The following VEGFD variants were observed in gnomAD, a reference collection of about 807,000 sequenced individuals.
VEGFD encodes vascular endothelial growth factor D.
VEGFD carries 26 observed loss-of-function variants against 28.0 expected under a neutral mutation model. That is an observed-to-expected ratio of 0.93 (90% CI 0.68 to 1.29). VEGFD has a LOEUF of 1.29. Ranked by LOEUF, VEGFD falls within the 50% of genes most tolerant of loss-of-function variation. The probability of loss-of-function intolerance (pLI) is 0.00; values close to 1 mark genes in which losing one functional copy is unlikely to be tolerated. For missense variants in VEGFD, 294 were observed against 273.4 expected (o/e 1.08, Z -0.53); for synonymous variants, 93 against 95.5 (o/e 0.97, Z 0.15).
chrX:15,347,420 G>A (rs1922583209), intron 5 of VEGFD, 61 bp from the exon 6 acceptor site: 2 of 925,995 alleles, frequency 2.2e-6, no homozygotes, highest in South Asian at 5.0e-5. Context: ...GATCACCAAA[G>A]TTGATTGTAT....
At chrX:15,371,375 A>G (rs1288443739) in intron 1 of VEGFD, among the ~76,000 whole-genome samples, 3 of 112,306 alleles carry the variant, frequency 2.7e-5, no homozygotes, top group Non-Finnish European at 5.6e-5. Context: ...TTTTTCAAGA[A>G]TATAGCTGGC....
intron 5 of VEGFD, among the ~76,000 whole-genome samples, chrX:15,351,241 A>T (rs1234266795): frequency 2.1e-5 from 2 of 97,501 alleles, no homozygotes; most frequent in South Asian, 9.9e-4. Flanking sequence ...TCAGCCTCCC[A>T]AGTAGCTGGG....
chrX:15,365,831 AAATT>A (rs1297589346), intron 1 of VEGFD, among the ~76,000 whole-genome samples: 2 of 111,723 alleles, frequency 1.8e-5, no homozygotes, highest in Non-Finnish European at 3.8e-5. Context: ...TGTTATGGGT[AAATT>A]AATTGGTTCA....
intron 2 of VEGFD, among the ~76,000 whole-genome samples, chrX:15,361,844 CTTTG>C (rs753824872): frequency 3.6e-5 from 4 of 109,601 alleles, no homozygotes; most frequent in Non-Finnish European, 7.6e-5. Flanking sequence ...TTCTTTCTTT[CTTTG>C]TTTTTTTGTT....
At chrX:15,347,087 C>T (rs1922570920) in intron 6 of VEGFD, 77 bp downstream of exon 6, 1 of 991,818 alleles carries the variant, frequency 1.0e-6, no homozygotes, top group African/African-American at 1.9e-5. Context: ...AATTAGCTTA[C>T]TAAGGAATCC....
intron 6 of VEGFD, 104 bp downstream of exon 6, chrX:15,347,060 C>T: frequency 5.5e-6 from 4 of 733,622 alleles, no homozygotes; most frequent in Non-Finnish European, 2.0e-6. Context: ...AAAAGGGACT[C>T]AGGCACCAAG....
intron 1 of VEGFD, among the ~76,000 whole-genome samples, chrX:15,365,426 C>T (rs1923122326): frequency 8.9e-6 from 1 of 112,293 alleles, no homozygotes. Flanking sequence ...AGCCGCTGCG[C>T]CTGGCCAACA....
chrX:15,375,274 T>A (rs1298464410), intron 1 of VEGFD, among the ~76,000 whole-genome samples: 2 of 112,694 alleles, frequency 1.8e-5, no homozygotes, highest in Non-Finnish European at 3.7e-5. Context: ...AATTTTAAGG[T>A]ATCTGCTCAG....
rs780465926 is a variant in VEGFD at position 15,347,180 on chromosome X, G to A, written c.922C>T (p.His308Tyr). 1 of 1,209,906 alleles carries A rather than the reference G, an allele frequency of 8.3e-7. No homozygotes were observed. Among genetic ancestry groups the A allele is most frequent in the South Asian group, 1.8e-5 (1 of 56,612 alleles). ...ETCCQKHKLFHPDTCSCEDRC... is the reference protein window; with the variant it reads ...ETCCQKHKLFYPDTCSCEDRC... The stretch of plus-strand genomic sequence containing the variant: ...GGCATTTACCTGCAGGTGTCTGGGT[G>A]AAATAGCTTGTGCTTCTGGCAGCAG... Residue 308 changes from histidine to tyrosine, a missense_variant, in exon 6 of 7, where the codon CAC becomes TAC. Transcript: ENST00000297904.
rs765960915 is a variant in VEGFD at position 15,347,306 on chromosome X, C to T, written c.796G>A (p.Glu266Lys). 20 of 1,210,999 alleles carry T rather than the reference C, an allele frequency of 1.7e-5. No homozygotes were observed. The highest frequency in any genetic ancestry group is 2.0e-5 in the Non-Finnish European group (18 of 895,121). ...TTACAGACACACTCGCAACGATCTT[C>T]GTCAAACATCATGTGTGGCCCACAG... ...ALCGPHMMFD[E>K]DRCECVCKTP... The change falls in exon 6 of 7, where the codon GAA becomes AAA. Residue 266 changes from glutamate (E) to lysine (K), a missense_variant. Transcript: ENST00000297904.
intron 6 of VEGFD, among the ~76,000 whole-genome samples, 163 bp downstream of exon 6, chrX:15,347,001 G>A (rs998767109): frequency 9.0e-6 from 1 of 111,188 alleles, no homozygotes; most frequent in East Asian, 2.8e-4. Flanking sequence ...ATCATGACTC[G>A]GTATACTCTT....
chrX:15,370,583 T>C (rs1487829733), intron 1 of VEGFD, among the ~76,000 whole-genome samples: 1 of 111,807 alleles, frequency 8.9e-6, no homozygotes, highest in Non-Finnish European at 1.9e-5. Context: ...GTAATACATA[T>C]CTGATGAAGG....
chrX:15,364,622 G>A (rs1004471056), intron 1 of VEGFD, among the ~76,000 whole-genome samples: 2 of 111,617 alleles, frequency 1.8e-5, no homozygotes, highest in African/African-American at 3.3e-5. Flanking sequence ...TTGCTGACCC[G>A]GTAGTTACTA....
chrX:15,359,942 T>C (rs1003929600), intron 2 of VEGFD, among the ~76,000 whole-genome samples: 3 of 112,458 alleles, frequency 2.7e-5, no homozygotes, highest in Admixed American at 9.4e-5. Flanking sequence ...GAAACTGAGA[T>C]AAATATTGTT....
intron 1 of VEGFD, among the ~76,000 whole-genome samples, chrX:15,374,245 C>G (rs1555950253): frequency 8.9e-6 from 1 of 112,319 alleles, no homozygotes; most frequent in East Asian, 2.8e-4. Flanking sequence ...ATAAATGAAG[C>G]CTTATGTTCA....
intron 3 of VEGFD, among the ~76,000 whole-genome samples, chrX:15,356,943 C>T (rs1922881878): frequency 8.9e-6 from 1 of 112,181 alleles, no homozygotes; most frequent in African/African-American, 3.2e-5. Flanking sequence ...TGGATATATT[C>T]AGTGCATGTA....
chrX:15,363,329 A>C lies in VEGFD; in HGVS notation c.91-10T>G. On this transcript the variant is annotated splice_polypyrimidine_tract_variant and intron_variant, in intron 1 of 6. Transcript: ENST00000297904. Reference sequence around the variant, plus strand: ...TGGACTGAGATGATCGCTTAAAAAAACAAAAATACCAGTTTAAAAACAAGT... The same window carrying C: ...TGGACTGAGATGATCGCTTAAAAAACCAAAAATACCAGTTTAAAAACAAGT... The C allele has an allele frequency of 4.2e-6, 5 of 1,179,234 alleles. No homozygotes were observed. The highest frequency in any genetic ancestry group is 5.7e-6 in the Non-Finnish European group (5 of 869,748).
intron 4 of VEGFD, among the ~76,000 whole-genome samples, chrX:15,354,798 A>G (rs1922822252): frequency 9.0e-6 from 1 of 111,629 alleles, no homozygotes; most frequent in Non-Finnish European, 1.9e-5. Flanking sequence ...TAAATATACA[A>G]ACAGCCTGAA....
chrX:15,355,362 TC>T (rs750973484), intron 3 of VEGFD, 64 bp from the exon 4 acceptor site: 1 of 973,204 alleles, frequency 1.0e-6, no homozygotes, highest in African/African-American at 2.1e-5. Flanking sequence ...TTAAAGTTGT[TC>T]TAGTCTGAAT....
Sources: gnomAD v4.1 joint callset for allele counts (sites outside exome capture counted in the v4.1 genomes callset) on GRCh38, gnomAD v4.1.1 for gene constraint, MANE v1.5 for transcripts, NCBI Gene and HGNC (gene_info 2026-07-23, HGNC 2026-07-21) for gene names.